The following VPS35L variants were observed in gnomAD, a reference collection of about 807,000 sequenced individuals.
The protein encoded by VPS35L is VPS35 endosomal protein-sorting factor-like.
Under a neutral mutation model 133.0 loss-of-function variants are expected in VPS35L, and 83 were observed. That is an observed-to-expected ratio of 0.62 (90% CI 0.52 to 0.75). The LOEUF is 0.75. Ranked by LOEUF, VPS35L falls within the 30% of genes least tolerant of loss-of-function variation. The pLI is 0.00. For synonymous variants in VPS35L, 423 were observed against 449.9 expected, an observed-to-expected ratio of 0.94 and a Z score of 0.76; for missense variants, 1,083 against 1,206.8, an observed-to-expected ratio of 0.90 and a Z score of 1.52.
At chr16:19,678,566 C>T (rs1023625302) in intron 27 of VPS35L, among the ~76,000 whole-genome samples, 1 of 151,908 alleles carries the variant, frequency 6.6e-6, no homozygotes, top group Non-Finnish European at 1.5e-5. Flanking sequence ...CAACCTCTGC[C>T]TCCCAGGTTC....
chr16:19,699,589 C>G lies in VPS35L; in HGVS notation c.2734C>G (p.Leu912Val). 6.2e-7 allele frequency: 1 copy of G among 1,614,186 alleles called. No homozygotes were observed. Among genetic ancestry groups the G allele is most frequent in the East Asian group, 2.2e-5 (1 of 44,874 alleles). Residue 912 changes from leucine (L) to valine (V), a missense_variant, in exon 30 of 31, where the codon CTC becomes GTC. Coordinates refer to ENST00000417362, the MANE Select transcript of VPS35L (RefSeq NM_020314.7). This position sits in a 1 kb window ranked among gnomAD's most constrained non-coding sequence, Gnocchi z 4.2. ...GDLRNNKLNQ[L>V]SVNLWHLAQR... ...CCTACGCAACAACAAGCTCAACCAG[C>G]TCTCCGTCAACCTGTGGCACCTGGC... is the stretch of plus-strand genomic sequence containing the variant.
intron 22 of VPS35L, among the ~76,000 whole-genome samples, chr16:19,643,050 T>C (rs535664637): frequency 1.1e-3 from 168 of 152,216 alleles, no homozygotes; most frequent in Non-Finnish European, 2.1e-3. Flanking sequence ...CTTGATTTAC[T>C]GGAAAATGTT....
At chr16:19,595,437 G>A (rs977118315) in intron 8 of VPS35L, among the ~76,000 whole-genome samples, 6 of 152,108 alleles carry the variant, frequency 3.9e-5, no homozygotes, top group Non-Finnish European at 5.9e-5. Flanking sequence ...TACCTTCGGC[G>A]AGTGTGAGGC....
At chr16:19,665,941 C>T (rs1253664007) in intron 26 of VPS35L, among the ~76,000 whole-genome samples, 1 of 151,420 alleles carries the variant, frequency 6.6e-6, no homozygotes, top group Non-Finnish European at 1.5e-5. Context: ...ATGTTGAGCA[C>T]CTTTTCATAT....
chr16:19,664,297 G>A (rs563046565), intron 26 of VPS35L, among the ~76,000 whole-genome samples: 5 of 152,012 alleles, frequency 3.3e-5, no homozygotes, highest in Admixed American at 6.5e-5. Flanking sequence ...CGGTGGCTGC[G>A]TTTCTGGAGT....
intron 21 of VPS35L, among the ~76,000 whole-genome samples, chr16:19,642,113 G>C (rs1320248054): frequency 6.6e-6 from 1 of 152,160 alleles, no homozygotes; most frequent in Non-Finnish European, 1.5e-5. Context: ...GGGAGGCTGA[G>C]GCAGGAGGAT....
At chr16:19,574,171 G>A (rs1165456159) in intron 4 of VPS35L, among the ~76,000 whole-genome samples, 7 of 152,168 alleles carry the variant, frequency 4.6e-5, no homozygotes, top group Non-Finnish European at 2.9e-5. Context: ...CCTTACGCTG[G>A]AGAAAAGTCT....
At chr16:19,607,990 G>A (rs1215360315) in intron 9 of VPS35L, 188 bp from the exon 10 acceptor site, 6 of 579,892 alleles carry the variant, frequency 1.0e-5, no homozygotes, top group Non-Finnish European at 1.8e-5. Context: ...ACGACACTTG[G>A]CACTTAGAAA....
At chr16:19,576,057 T>A (rs1370321421) in intron 5 of VPS35L, among the ~76,000 whole-genome samples, 9 of 111,770 alleles carry the variant, frequency 8.1e-5, no homozygotes, top group East Asian at 2.8e-4. Context: ...TCCCAGCTAC[T>A]CAGGAGGCTG....
chr16:19,614,007 A>G (rs922998278), intron 12 of VPS35L, among the ~76,000 whole-genome samples: 2 of 152,172 alleles, frequency 1.3e-5, no homozygotes, highest in South Asian at 2.1e-4. Context: ...AGAAAAACAG[A>G]AAACAAAAGC....
At chr16:19,678,374 T>G (rs939934381) in intron 27 of VPS35L, among the ~76,000 whole-genome samples, 6 of 152,004 alleles carry the variant, frequency 3.9e-5, no homozygotes, top group African/African-American at 1.4e-4. Context: ...GGGACACCTT[T>G]TCCCACTGGA....
intron 1 of VPS35L, among the ~76,000 whole-genome samples, chr16:19,562,980 G>C (rs1377574818): frequency 6.6e-6 from 1 of 151,940 alleles, no homozygotes; most frequent in African/African-American, 2.4e-5. Flanking sequence ...GCTCAGGCTG[G>C]TTTCAAACTC....
intron 11 of VPS35L, 73 bp from the exon 12 acceptor site, chr16:19,610,249 C>A: frequency 7.7e-7 from 1 of 1,297,774 alleles, no homozygotes; most frequent in Non-Finnish European, 1.1e-6. Flanking sequence ...AAGTCTTTAT[C>A]TTTATTTAAA....
chr16:19,614,700 T>C (rs1346338415), intron 12 of VPS35L, among the ~76,000 whole-genome samples: 2 of 152,170 alleles, frequency 1.3e-5, no homozygotes, highest in East Asian at 3.9e-4. Context: ...TGTGAGCCAC[T>C]GCAGCCCAGC....
At chr16:19,569,315 A>T in intron 2 of VPS35L, 109 bp from the exon 3 acceptor site, 2 of 1,256,028 alleles carry the variant, frequency 1.6e-6, no homozygotes, top group African/African-American at 1.5e-5. Flanking sequence ...TCTCTGCTGC[A>T]AATGAACCAT....
intron 1 of VPS35L, among the ~76,000 whole-genome samples, chr16:19,564,169 C>T (rs2151500627): frequency 6.6e-6 from 1 of 152,228 alleles, no homozygotes; most frequent in East Asian, 1.9e-4. Context: ...ACCTCCGCCT[C>T]CTGGTTGAAG....
intron 6 of VPS35L, among the ~76,000 whole-genome samples, chr16:19,580,101 G>A (rs528748862): frequency 6.6e-6 from 1 of 151,922 alleles, no homozygotes; most frequent in East Asian, 2.0e-4. Context: ...TCAGGAGGCT[G>A]AAGTAGGAGA....
At chr16:19,641,065 A>T (rs1408930875) in intron 21 of VPS35L, among the ~76,000 whole-genome samples, 1 of 149,834 alleles carries the variant, frequency 6.7e-6, no homozygotes, top group Non-Finnish European at 1.5e-5. Context: ...TTTTATTATT[A>T]TTTTTTTAAT....
chr16:19,575,745 C>T (rs1379147937), intron 5 of VPS35L, among the ~76,000 whole-genome samples: 2 of 151,126 alleles, frequency 1.3e-5, no homozygotes, highest in African/African-American at 4.9e-5. Flanking sequence ...TGCCTATAAT[C>T]CCAGTTACAT....
Sources: gnomAD v4.1 joint callset for allele counts (sites outside exome capture counted in the v4.1 genomes callset) on GRCh38, gnomAD v4.1.1 for gene constraint, Gnocchi (gnomAD v3.1) non-coding constraint, MANE v1.5 for transcripts, NCBI Gene and HGNC (gene_info 2026-07-23, HGNC 2026-07-21) for gene names.